The following RFX2 variants were observed in gnomAD, a reference collection of about 807,000 sequenced individuals.
The protein encoded by RFX2 is DNA-binding protein RFX2.
Under a neutral mutation model 87.8 loss-of-function variants are expected in RFX2, and 20 were observed. The ratio of observed to expected loss-of-function variants is 0.23; its 90% CI spans 0.16 to 0.33. RFX2 has a LOEUF of 0.33. RFX2 is among the 10% of genes least tolerant of loss of function. The pLI is 1.00. For missense variants in RFX2, 767 were observed against 1,012.3 expected (o/e 0.76, Z 3.29); for synonymous variants, 397 against 431.3 (o/e 0.92, Z 0.98).
Position 6,011,072 on chromosome 19 carries a change from C to T in RFX2, c.900-821G>A, listed in dbSNP as rs1033703671. 4.3e-4 allele frequency among the ~76,000 whole-genome samples: 66 copies of T among 152,004 alleles called. No individual in the cohort carries two copies. The highest frequency in any genetic ancestry group is 1.6e-3 in the African/African-American group (66 of 41,436). On this transcript the variant is annotated intron_variant, in intron 8 of 17. Transcript: ENST00000303657. This position sits in a 1 kb window ranked among gnomAD's most constrained non-coding sequence, Gnocchi z 4.8. Reference sequence around the variant, plus strand: ...CAGAGGTTGCAGTGAGCCGAGTTCACGCCATTGCACTCCAGCCTGGGCGAC... The same window carrying T: ...CAGAGGTTGCAGTGAGCCGAGTTCATGCCATTGCACTCCAGCCTGGGCGAC...
In RFX2 at chr19:6,012,326, T is replaced by A. The variant is rs570560482; in HGVS notation, c.899+660A>T. The A allele has an allele frequency of 6.6e-6, 1 of 152,302 alleles. No individual in the cohort carries two copies. Among genetic ancestry groups the A allele is most frequent in the East Asian group, 1.9e-4 (1 of 5,190 alleles). The allele number at this position is 152,302 out of a possible 1,614,324, so 9.4% of individuals were successfully genotyped here. On this transcript the variant is annotated intron_variant, in intron 8 of 17. Coordinates refer to ENST00000303657, the MANE Select transcript of RFX2 (RefSeq NM_000635.4). The surrounding 1 kb of genome is among the most constrained non-coding windows in gnomAD (Gnocchi z 4.6). ...TCTTTACTTCCTAAGCTTTAAAAATTAAAGGTCTGTGATTCCAACTATATG... is the reference window on the plus strand; with the variant it reads ...TCTTTACTTCCTAAGCTTTAAAAATAAAAGGTCTGTGATTCCAACTATATG...
rs148821509 is a variant in RFX2 at position 6,106,044 on chromosome 19, G to A, written c.-9+4349C>T. Among the ~76,000 whole-genome samples the A allele has an allele frequency of 8.5e-5, 13 of 152,250 alleles. No individual in the cohort carries two copies. In the East Asian group the frequency reaches 1.5e-3, roughly 18 times the overall value. Reference sequence around the variant, plus strand: ...TCCAGTTCCCTATAGGCCTGTTAGGGCCTCTCTCTGGACCTTTTGCCACTC... The same window carrying A: ...TCCAGTTCCCTATAGGCCTGTTAGGACCTCTCTCTGGACCTTTTGCCACTC... On this transcript the variant is annotated intron_variant, in intron 1 of 17. Coordinates refer to ENST00000303657, the MANE Select transcript of RFX2 (RefSeq NM_000635.4).
chr19:5,994,712 T>A lies in RFX2; in HGVS notation c.*123A>T. The A allele has an allele frequency of 1.5e-6, 1 of 667,480 alleles. No homozygotes were observed. The highest frequency in any genetic ancestry group is 2.6e-6 in the Non-Finnish European group (1 of 387,256). The allele number at this position is 667,480 out of a possible 1,614,324, so 41.3% of individuals were successfully genotyped here. A position where few individuals can be genotyped will look rare whatever the true frequency, so the allele number is the denominator to read the frequency against. ...GAACACTGACCCCGGGAGCCCCCGC[T>A]TGAGTCAAAGTAAACATCACATCAT... On this transcript the variant is annotated 3_prime_UTR_variant, in exon 18 of 18. Coordinates refer to ENST00000303657, the MANE Select transcript of RFX2 (RefSeq NM_000635.4).
At position 6,026,073 on chromosome 19, in the gene RFX2, C is replaced by G. The variant is rs543831667; in HGVS notation, c.597+90G>C. On this transcript the variant is annotated intron_variant, in intron 6 of 17. Transcript: ENST00000303657. The surrounding 1 kb of genome is among the most constrained non-coding windows in gnomAD (Gnocchi z 4.5). The stretch of plus-strand genomic sequence containing the variant: ...GTGCTGGGATTACAGGTGTGAGCCA[C>G]CGCACCTGGTTGCCTTCATTTGTCT... 638 of 1,113,016 alleles carry G rather than the reference C, an allele frequency of 5.7e-4. 1 individual carries two copies. Among genetic ancestry groups the G allele is most frequent in the Non-Finnish European group, 8.3e-4 (610 of 736,620 alleles). 68.9% of individuals were successfully genotyped at this position (1,113,016 alleles called of 1,614,324 possible). A position where few individuals can be genotyped will look rare whatever the true frequency, so the allele number is the denominator to read the frequency against.
At chr19:6,006,427 A>G (rs1326712237) in intron 12 of RFX2, among the ~76,000 whole-genome samples, 2 of 147,612 alleles carry the variant, frequency 1.4e-5, no homozygotes, top group East Asian at 4.1e-4. Flanking sequence ...CAGAGTAGCT[A>G]GGGCTACAGG....
chr19:6,058,927 G>A (rs2087387934), intron 1 of RFX2, among the ~76,000 whole-genome samples: 1 of 151,938 alleles, frequency 6.6e-6, no homozygotes. Flanking sequence ...CCTCCCCTAA[G>A]CCAGGGACCC....
intron 6 of RFX2, among the ~76,000 whole-genome samples, chr19:6,018,538 T>C (rs2086762218): frequency 6.6e-6 from 1 of 152,202 alleles, no homozygotes; most frequent in African/African-American, 2.4e-5. Context: ...TTAAGCCGAA[T>C]TGCAGGTGAG....
Position 6,042,114 on chromosome 19 carries a change from C to T in RFX2, c.190G>A (p.Val64Met), listed in dbSNP as rs755627032. Residue 64 changes from valine to methionine, a missense_variant, in exon 4 of 18, where the codon GTG (valine) becomes ATG (methionine). This residue lies in a region of RFX2 where 146 missense variants were observed against 139.2 expected (regional missense o/e 1.05). Transcript: ENST00000303657. ...VQQVPQQVQP[V>M]QHVYPAQVQY... is the part of the protein sequence containing the mutation. ...ACCTGGGCAGGATACACGTGCTGCA[C>T]CGGCTGCACCTGAAACATCGGATAC... is the stretch of plus-strand genomic sequence containing the variant. 1.2e-6 allele frequency: 2 copies of T among 1,613,768 alleles called. No individual in the cohort carries two copies. The highest frequency in any genetic ancestry group is 1.1e-5 in the South Asian group (1 of 91,080).
At chr19:6,003,124 T>G (rs962087879) in intron 13 of RFX2, among the ~76,000 whole-genome samples, 1 of 152,164 alleles carries the variant, frequency 6.6e-6, no homozygotes, top group Non-Finnish European at 1.5e-5. Context: ...AATTCACAAC[T>G]GTCGCCATGC....
chr19:6,101,097 C>T lies in RFX2; in HGVS notation c.-9+9296G>A, dbSNP rs983163963. On this transcript the variant is annotated intron_variant, in intron 1 of 17. Coordinates refer to ENST00000303657, the MANE Select transcript of RFX2 (RefSeq NM_000635.4). This position sits in a 1 kb window ranked among gnomAD's most constrained non-coding sequence, Gnocchi z 4.9. ...TCTCCCCTCTCAACTGTCCACATGA[C>T]GATATATTAATACACGTAAATGCTT... Among the ~76,000 whole-genome samples the T allele has an allele frequency of 4.6e-5, 7 of 152,218 alleles. No homozygotes were observed. Among genetic ancestry groups the T allele is most frequent in the African/African-American group, 9.6e-5 (4 of 41,526 alleles).
intron 1 of RFX2, among the ~76,000 whole-genome samples, chr19:6,048,094 G>A (rs1298331279): frequency 6.6e-6 from 1 of 152,208 alleles, no homozygotes. Context: ...TCACAAATGT[G>A]TTCAGATATT....
rs977439467 is a variant in RFX2, at chr19:6,001,645, A to G, written c.1859+170T>C. Among the ~76,000 whole-genome samples, 1 of 152,080 alleles carries G rather than the reference A, an allele frequency of 6.6e-6. No homozygotes were observed. Among genetic ancestry groups the G allele is most frequent in the Non-Finnish European group, 1.5e-5 (1 of 67,992 alleles). ...GGCCTGCCCCTGGGAGCCGCTGGTCATGAGTGAGGCCCCCAGCCAGGTAGT... is the reference window on the plus strand; with the variant it reads ...GGCCTGCCCCTGGGAGCCGCTGGTCGTGAGTGAGGCCCCCAGCCAGGTAGT... On this transcript the variant is annotated intron_variant, in intron 15 of 17. Transcript: ENST00000303657. The surrounding 1 kb of genome is among the most constrained non-coding windows in gnomAD (Gnocchi z 5.6).
rs531121079 is a variant in RFX2, at chr19:6,052,039, G to A, written c.-8-4535C>T. On this transcript the variant is annotated intron_variant, in intron 1 of 17. Coordinates refer to ENST00000303657, the MANE Select transcript of RFX2 (RefSeq NM_000635.4). ...ACTACAGGTGCCCGCCATCACACCAGGCTAATATTTGTATTTTTAGTAGAG... is the reference window on the plus strand; with the variant it reads ...ACTACAGGTGCCCGCCATCACACCAAGCTAATATTTGTATTTTTAGTAGAG... 2.4e-3 allele frequency among the ~76,000 whole-genome samples: 366 copies of A among 152,176 alleles called. 2 individuals are homozygous for A. Among genetic ancestry groups the A allele is most frequent in the Non-Finnish European group, 4.3e-3 (291 of 67,996 alleles).
At chr19:6,003,385 T>C (rs773461645) in intron 13 of RFX2, among the ~76,000 whole-genome samples, 2 of 151,560 alleles carry the variant, frequency 1.3e-5, no homozygotes, top group Non-Finnish European at 2.9e-5. Flanking sequence ...TTTTTAACAA[T>C]GACCTGATCA....
At position 6,040,289 on chromosome 19, in the gene RFX2, G is replaced by A; in HGVS notation, c.261-48C>T. 1 of 1,478,458 alleles carries A rather than the reference G, an allele frequency of 6.8e-7. No individual in the cohort carries two copies. The highest frequency in any genetic ancestry group is 1.4e-5 in the South Asian group (1 of 69,354). The allele number at this position is 1,478,458 out of a possible 1,614,324, so 91.6% of individuals were successfully genotyped here. ...GCATGGGACGCTGTCCCATTTAAATGCCTTGTCTGAGTTCACAGATATCCA... is the reference window on the plus strand; with the variant it reads ...GCATGGGACGCTGTCCCATTTAAATACCTTGTCTGAGTTCACAGATATCCA... On this transcript the variant is annotated intron_variant, in intron 4 of 17. Transcript: ENST00000303657. The surrounding 1 kb of genome is among the most constrained non-coding windows in gnomAD (Gnocchi z 6.1).
At chr19:6,042,398 G>A (rs1464931700) in intron 3 of RFX2, among the ~76,000 whole-genome samples, 1 of 152,236 alleles carries the variant, frequency 6.6e-6, no homozygotes, top group Non-Finnish European at 1.5e-5. Flanking sequence ...TATACGTGGG[G>A]GCGGGACCAG....
intron 1 of RFX2, among the ~76,000 whole-genome samples, chr19:6,099,062 G>A (rs2088073888): frequency 6.6e-6 from 1 of 150,740 alleles, no homozygotes; most frequent in Admixed American, 6.6e-5. Context: ...GAATTCATTG[G>A]TTCAACAAAT....
rs2086665992 is a variant in RFX2, at chr19:6,012,048, C to G, written c.899+938G>C. 1 of 152,256 alleles carries G rather than the reference C, an allele frequency of 6.6e-6. No homozygotes were observed. The highest frequency in any genetic ancestry group is 1.5e-5 in the Non-Finnish European group (1 of 68,048). The allele number at this position is 152,256 out of a possible 1,614,324, so 9.4% of individuals were successfully genotyped here. ...GTCTGTGGCTGCTTTCAGGATGTAG[C>G]CAAATTGAACAGTCATGACAGAGAC... On this transcript the variant is annotated intron_variant, in intron 8 of 17. Transcript: ENST00000303657. This position sits in a 1 kb window ranked among gnomAD's most constrained non-coding sequence, Gnocchi z 4.6.
rs759509492 is a variant in RFX2, at chr19:6,020,236, A to G, written c.598-3965T>C. ...AGGACATACTGGCTCACACATAAAA[A>G]GAAAGTTTTGGAACAGATGATCCTT... On this transcript the variant is annotated intron_variant, in intron 6 of 17. Transcript: ENST00000303657. This position sits in a 1 kb window ranked among gnomAD's most constrained non-coding sequence, Gnocchi z 5.3. The G allele has an allele frequency of 1.3e-5, 2 of 152,236 alleles. No homozygotes were observed. The highest frequency in any genetic ancestry group is 2.1e-4 in the South Asian group (1 of 4,830). The allele number at this position is 152,236 out of a possible 1,614,324, so 9.4% of individuals were successfully genotyped here. A position where few individuals can be genotyped will look rare whatever the true frequency, so the allele number is the denominator to read the frequency against.
Sources: allele counts gnomAD v4.1 joint callset (sites outside exome capture counted in the v4.1 genomes callset), GRCh38; gene constraint gnomAD v4.1.1; regional missense constraint gnomAD v4.1.1; non-coding constraint Gnocchi (gnomAD v3.1); transcripts MANE v1.5; gene names NCBI Gene and HGNC (gene_info 2026-07-23, HGNC 2026-07-21).